The following DENND5A variants were observed in gnomAD, a reference collection of about 807,000 sequenced individuals.
DENND5A encodes the protein DENN domain containing 5A.
A neutral mutation model predicts 140.3 loss-of-function variants in DENND5A; 64 were observed. The observed-to-expected ratio is 0.46, with a 90% CI of 0.37 to 0.56. DENND5A has a LOEUF of 0.56. Among genes scored for constraint, DENND5A ranks in the 20% least tolerant of loss-of-function variants. The pLI, the probability that DENND5A is intolerant of heterozygous loss-of-function variation, is 0.00. For missense variants in DENND5A, 1,292 were observed against 1,593.8 expected, an observed-to-expected ratio of 0.81 and a Z score of 3.22; for synonymous variants, 605 against 607.7, an observed-to-expected ratio of 1.00 and a Z score of 0.07.
At chr11:9,154,101 TATA>T (rs1460649153) in intron 12 of DENND5A, among the ~76,000 whole-genome samples, 1 of 152,250 alleles carries the variant, frequency 6.6e-6, no homozygotes, top group African/African-American at 2.4e-5. Context: ...ACTTTGGTTC[TATA>T]ATAATGATAG....
chr11:9,168,092 A>ATTTTTTTTTTTT (rs11285106), intron 10 of DENND5A, among the ~76,000 whole-genome samples: 9 of 141,978 alleles, frequency 6.3e-5, no homozygotes, highest in Non-Finnish European at 7.6e-5. Context: ...AACCTCAGTG[A>ATTTTTTTTTTTT]TTTTTTTTTT....
At chr11:9,146,356 G>A (rs1345978344) in intron 16 of DENND5A, among the ~76,000 whole-genome samples, 1 of 152,186 alleles carries the variant, frequency 6.6e-6, no homozygotes, top group Non-Finnish European at 1.5e-5. Context: ...CCATGCTGCT[G>A]AGTAACTGGC....
chr11:9,214,277 CT>C (rs1225745725), intron 1 of DENND5A, among the ~76,000 whole-genome samples: 3 of 152,208 alleles, frequency 2.0e-5, no homozygotes, highest in Non-Finnish European at 4.4e-5. Context: ...TCAATTCTCC[CT>C]ATCTTCCACA....
intron 8 of DENND5A, among the ~76,000 whole-genome samples, chr11:9,173,733 T>C (rs543537947): frequency 6.6e-6 from 1 of 152,338 alleles, no homozygotes; most frequent in South Asian, 2.1e-4. Context: ...AAATGTGTAC[T>C]ATAAATCCTA....
At chr11:9,238,605 G>C (rs1414834654) in intron 1 of DENND5A, among the ~76,000 whole-genome samples, 1 of 151,514 alleles carries the variant, frequency 6.6e-6, no homozygotes, top group Non-Finnish European at 1.5e-5. Context: ...TTTAGTAGAT[G>C]GGGTTTCACC....
At chr11:9,228,110 C>CAAAAAAAA (rs548141276) in intron 1 of DENND5A, among the ~76,000 whole-genome samples, 2 of 72,648 alleles carry the variant, frequency 2.8e-5, no homozygotes, top group South Asian at 5.5e-4. Context: ...GACTCCATCT[C>CAAAAAAAA]AAAAAAAAAA....
intron 5 of DENND5A, among the ~76,000 whole-genome samples, chr11:9,184,343 A>G (rs1046939583): frequency 1.6e-4 from 24 of 150,806 alleles, no homozygotes; most frequent in Admixed American, 5.3e-4. Context: ...ACAGAGCGAG[A>G]CTCCGTCTCA....
chr11:9,245,570 T>G (rs1326353287), intron 1 of DENND5A: 2 of 149,770 alleles, frequency 1.3e-5, no homozygotes, highest in African/African-American at 2.4e-5. Context: ...CACCCTGGGC[T>G]ACAGAGCAAG....
At chr11:9,211,319 G>A (rs972029074) in intron 1 of DENND5A, among the ~76,000 whole-genome samples, 4 of 152,106 alleles carry the variant, frequency 2.6e-5, no homozygotes, top group Admixed American at 6.6e-5. Context: ...CCTGAAACAC[G>A]CATGCATGGA....
chr11:9,203,136 C>T (rs1415779862), intron 4 of DENND5A, among the ~76,000 whole-genome samples: 1 of 152,202 alleles, frequency 6.6e-6, no homozygotes, highest in African/African-American at 2.4e-5. Context: ...ATTAAGTAAG[C>T]ATCTGTTTCT....
At chr11:9,249,079 T>G (rs751078273) in intron 1 of DENND5A, among the ~76,000 whole-genome samples, 2 of 151,844 alleles carry the variant, frequency 1.3e-5, no homozygotes, top group African/African-American at 4.8e-5. Flanking sequence ...TACAAAAAAA[T>G]TAGCCGGGCG....
At position 9,152,352 on chromosome 11, in the gene DENND5A, T is replaced by C; in HGVS notation, c.2521+6A>G. 3.1e-6 allele frequency: 5 copies of C among 1,598,232 alleles called. No homozygotes were observed. The highest frequency in any genetic ancestry group is 1.3e-5 in the African/African-American group (1 of 74,660). On this transcript the variant is annotated splice_donor_region_variant and intron_variant, in intron 13 of 22. Transcript: ENST00000328194. Reference sequence around the variant, plus strand: ...GGCAGACTCTCCATTGCAGAGACTATCTTACCTGAGGTACTGAGGCTTCCT... The same window carrying C: ...GGCAGACTCTCCATTGCAGAGACTACCTTACCTGAGGTACTGAGGCTTCCT...
rs747345063 is a variant in DENND5A, at chr11:9,178,234, G to A, written c.1804C>T (p.Arg602Trp). The A allele has an allele frequency of 5.6e-6, 9 of 1,613,238 alleles. No homozygotes were observed. The highest frequency in any genetic ancestry group is 2.2e-5 in the South Asian group (2 of 91,052). Reference protein sequence around the residue: ...HDDDDKDPVLRVFDSRVDKIR... With the variant: ...HDDDDKDPVLWVFDSRVDKIR... ...TTGTCAACTCGGGAATCAAATACCC[G>A]GAGTACAGGGTCTTTATCATCATCA... Residue 602 changes from arginine to tryptophan, a missense_variant, in exon 8 of 23, where the codon CGG (arginine) becomes TGG (tryptophan). Coordinates refer to ENST00000328194, the MANE Select transcript of DENND5A (RefSeq NM_015213.4).
intron 1 of DENND5A, among the ~76,000 whole-genome samples, chr11:9,258,476 A>G (rs763854433): frequency 4.0e-4 from 61 of 152,234 alleles, no homozygotes; most frequent in Non-Finnish European, 7.3e-4. Context: ...TTATGGCTGC[A>G]TAGTATTCCA....
chr11:9,152,525 T>TA (rs1847654010), intron 12 of DENND5A, 83 bp from the exon 13 acceptor site: 13 of 903,794 alleles, frequency 1.4e-5, no homozygotes, highest in South Asian at 7.9e-5. Context: ...AAGCTTTTGC[T>TA]AAAAAAATAT....
At chr11:9,207,709 A>G in intron 1 of DENND5A, 77 bp from the exon 2 acceptor site, 1 of 1,037,540 alleles carries the variant, frequency 9.6e-7, no homozygotes, top group Non-Finnish European at 1.5e-6. Flanking sequence ...ATTCCAGTAC[A>G]AATTACATTT....
chr11:9,176,732 A>T (rs1848556486), intron 8 of DENND5A: 3 of 335,682 alleles, frequency 8.9e-6, no homozygotes, highest in African/African-American at 6.6e-5. Flanking sequence ...AAGGAAATGT[A>T]TCTGCTAGGT....
In DENND5A at chr11:9,142,921, A is replaced by G. The variant is rs760415939; in HGVS notation, c.3388-76T>C. 218 of 1,575,010 alleles carry G rather than the reference A, an allele frequency of 1.4e-4. 1 individual carries two copies. Among genetic ancestry groups the G allele is most frequent in the Non-Finnish European group, 1.7e-4 (201 of 1,156,882 alleles). On this transcript the variant is annotated intron_variant, in intron 20 of 22. Coordinates refer to ENST00000328194, the MANE Select transcript of DENND5A (RefSeq NM_015213.4). ...CTCCCACCATTGCATCCCTAAACCC[A>G]CAGCCCAGAGTTGGGAGGGCTGCAA...
chr11:9,235,198 T>C (rs186217719), intron 1 of DENND5A, among the ~76,000 whole-genome samples: 7 of 152,296 alleles, frequency 4.6e-5, no homozygotes, highest in Admixed American at 3.9e-4. Flanking sequence ...GCAGCACTAT[T>C]CACAACAGGC....
Sources: gnomAD v4.1 joint callset for allele counts (sites outside exome capture counted in the v4.1 genomes callset) on GRCh38, gnomAD v4.1.1 for gene constraint, MANE v1.5 for transcripts, NCBI Gene and HGNC (gene_info 2026-07-23, HGNC 2026-07-21) for gene names.